The following UBE2E3 variants were observed in gnomAD, a reference collection of about 807,000 sequenced individuals.
The protein encoded by UBE2E3 is ubiquitin conjugating enzyme E2 E3.
A neutral mutation model predicts 23.6 loss-of-function variants in UBE2E3; 5 were observed. That is an observed-to-expected ratio of 0.21 (90% CI 0.11 to 0.44). The LOEUF is 0.44. UBE2E3 is among the 20% of genes least tolerant of loss of function. The probability of loss-of-function intolerance (pLI) is 0.99; values close to 1 mark genes in which losing one functional copy is unlikely to be tolerated. For missense variants in UBE2E3, 81 were observed against 249.8 expected, an observed-to-expected ratio of 0.32 and a Z score of 4.55; for synonymous variants, 78 against 87.5, an observed-to-expected ratio of 0.89 and a Z score of 0.60.
chr2:181,054,759 G>C (rs1328240415), intron 3 of UBE2E3, among the ~76,000 whole-genome samples: 1 of 151,750 alleles, frequency 6.6e-6, no homozygotes, highest in African/African-American at 2.4e-5. Context: ...AGAGCATATT[G>C]GTGGTATTGG....
chr2:180,998,101 A>C (rs761529878), intron 3 of UBE2E3, among the ~76,000 whole-genome samples: 1 of 152,172 alleles, frequency 6.6e-6, no homozygotes, highest in Non-Finnish European at 1.5e-5. Context: ...GCCAGACTCA[A>C]AGTGTAGAGC....
intron 3 of UBE2E3, among the ~76,000 whole-genome samples, chr2:181,027,306 A>G (rs903792237): frequency 6.6e-6 from 1 of 151,948 alleles, no homozygotes; most frequent in Non-Finnish European, 1.5e-5. Flanking sequence ...TTATAGTTAC[A>G]ATATCCTGCT....
At chr2:180,981,122 C>A (rs1164115576) in intron 1 of UBE2E3, 149 bp downstream of exon 1, 2 of 146,280 alleles carry the variant, frequency 1.4e-5, no homozygotes, top group African/African-American at 4.9e-5. Flanking sequence ...GGGCTGCTCG[C>A]ATCACTTGGC....
chr2:181,014,718 T>A (rs1299223899), intron 3 of UBE2E3, among the ~76,000 whole-genome samples: 3 of 152,298 alleles, frequency 2.0e-5, no homozygotes, highest in South Asian at 4.1e-4. Flanking sequence ...TATTATTTTT[T>A]AAATTTTTAT....
chr2:180,984,205 C>A, intron 3 of UBE2E3, 112 bp downstream of exon 3: 1 of 872,452 alleles, frequency 1.1e-6, no homozygotes, highest in South Asian at 2.4e-5. Context: ...TTCTTTACAG[C>A]TTTGCAAGTG....
chr2:181,056,172 G>A (rs1468188047), intron 3 of UBE2E3, among the ~76,000 whole-genome samples: 1 of 151,508 alleles, frequency 6.6e-6, no homozygotes, highest in Non-Finnish European at 1.5e-5. Flanking sequence ...GCAATAATTT[G>A]GGTATCAAAA....
At chr2:180,982,260 G>T in intron 2 of UBE2E3, 24 bp downstream of exon 2, 1 of 1,598,318 alleles carries the variant, frequency 6.3e-7, no homozygotes, top group Non-Finnish European at 8.5e-7. Flanking sequence ...GAAGGATCCA[G>T]CACACTTTGT....
intron 3 of UBE2E3, among the ~76,000 whole-genome samples, chr2:181,005,523 G>A (rs1318790633): frequency 6.6e-6 from 1 of 151,894 alleles, no homozygotes; most frequent in Non-Finnish European, 1.5e-5. Flanking sequence ...ATGCTGAGTA[G>A]CAAAATTAGT....
chr2:181,040,585 G>A (rs1221862620), intron 3 of UBE2E3, among the ~76,000 whole-genome samples: 1 of 152,102 alleles, frequency 6.6e-6, no homozygotes, highest in Non-Finnish European at 1.5e-5. Flanking sequence ...AACATTTAAT[G>A]TTAGAATGAA....
intron 3 of UBE2E3, among the ~76,000 whole-genome samples, chr2:181,003,363 C>A (rs1439764854): frequency 2.0e-5 from 3 of 152,154 alleles, no homozygotes; most frequent in African/African-American, 7.2e-5. Flanking sequence ...TTTCAGATGA[C>A]CTCTAATGAG....
intron 3 of UBE2E3, among the ~76,000 whole-genome samples, chr2:181,016,357 G>A (rs1456063749): frequency 1.3e-5 from 2 of 151,992 alleles, no homozygotes; most frequent in Non-Finnish European, 2.9e-5. Flanking sequence ...TAGGATTACA[G>A]GCATGAGCCA....
rs186586588 is a variant in UBE2E3, at chr2:181,007,767, A to G, written c.245+23674A>G. Among the ~76,000 whole-genome samples the G allele has an allele frequency of 4.0e-3, 604 of 152,300 alleles. 2 individuals carry two copies. Among genetic ancestry groups the G allele is most frequent in the South Asian group, 0.018 (88 of 4,822 alleles). On this transcript the variant is annotated intron_variant, in intron 3 of 5. Coordinates refer to ENST00000410062, the MANE Select transcript of UBE2E3 (RefSeq NM_006357.4). ...TGTCTACACTAGTGCTGGACAGGAG[A>G]ACTTTCCACAATGGTAGAAGGGCTT...
intron 4 of UBE2E3, among the ~76,000 whole-genome samples, chr2:181,058,047 A>G (rs1443762618): frequency 2.6e-5 from 4 of 151,784 alleles, no homozygotes; most frequent in Non-Finnish European, 5.9e-5. Context: ...TGTAAATAAA[A>G]CTATACCTTG....
At chr2:181,018,921 G>A (rs993845820) in intron 3 of UBE2E3, among the ~76,000 whole-genome samples, 8 of 152,096 alleles carry the variant, frequency 5.3e-5, no homozygotes, top group African/African-American at 1.9e-4. Flanking sequence ...TCATTGTAAA[G>A]TAAGGAAGTT....
chr2:181,055,516 G>A (rs1686965120), intron 3 of UBE2E3, among the ~76,000 whole-genome samples: 1 of 151,684 alleles, frequency 6.6e-6, no homozygotes, highest in Non-Finnish European at 1.5e-5. Flanking sequence ...CCCTAATCCA[G>A]ACAGGTAGCC....
At chr2:181,054,667 A>C (rs1442752884) in intron 3 of UBE2E3, among the ~76,000 whole-genome samples, 7 of 151,844 alleles carry the variant, frequency 4.6e-5, no homozygotes, top group African/African-American at 1.5e-4. Flanking sequence ...TATTTTCTCC[A>C]AGACTGTTGC....
At chr2:181,052,874 G>T (rs930140537) in intron 3 of UBE2E3, among the ~76,000 whole-genome samples, 1 of 151,640 alleles carries the variant, frequency 6.6e-6, no homozygotes, top group African/African-American at 2.4e-5. Flanking sequence ...TGAAATGCTT[G>T]CTGGTCACTT....
At chr2:181,006,977 C>A (rs1175155237) in intron 3 of UBE2E3, among the ~76,000 whole-genome samples, 2 of 152,148 alleles carry the variant, frequency 1.3e-5, no homozygotes, top group Non-Finnish European at 2.9e-5. Context: ...CAAGATACTG[C>A]ATTGGAAATG....
chr2:180,985,868 C>CATGTCT (rs1684451091), intron 3 of UBE2E3, among the ~76,000 whole-genome samples: 1 of 151,776 alleles, frequency 6.6e-6, no homozygotes, highest in Non-Finnish European at 1.5e-5. Flanking sequence ...GCCTAGTAGA[C>CATGTCT]ATGTATTAAG....
Sources: gnomAD v4.1 joint callset for allele counts (sites outside exome capture counted in the v4.1 genomes callset) on GRCh38, gnomAD v4.1.1 for gene constraint, MANE v1.5 for transcripts, NCBI Gene and HGNC (gene_info 2026-07-23, HGNC 2026-07-21) for gene names.